Variants in PPP1CB observed in about 807,000 individuals in gnomAD.
PPP1CB encodes the protein protein phosphatase 1 catalytic subunit beta, also known as serine/threonine-protein phosphatase PP1-beta catalytic subunit.
Under a neutral mutation model 43.7 loss-of-function variants are expected in PPP1CB, and 2 were observed. The observed-to-expected ratio is 0.05, with a 90% CI of 0.02 to 0.14. The LOEUF (loss-of-function observed/expected upper bound fraction) is 0.14, where lower values mean the gene tolerates loss of function less well. Among genes scored for constraint, PPP1CB ranks in the 10% least tolerant of loss-of-function variants. PPP1CB has a pLI of 1.00. For missense variants in PPP1CB, 84 were observed against 398.0 expected, an observed-to-expected ratio of 0.21 and a Z score of 6.71; for synonymous variants, 136 against 135.6, an observed-to-expected ratio of 1.00 and a Z score of -0.02.
chr2:28,764,740 C>T (rs1052196547), intron 1 of PPP1CB, among the ~76,000 whole-genome samples: 6 of 150,386 alleles, frequency 4.0e-5, no homozygotes, highest in Non-Finnish European at 8.9e-5. Context: ...GGGCACATGG[C>T]GAAACCCCGT....
In PPP1CB at chr2:28,787,230, C is replaced by T. The variant is rs549395418; in HGVS notation, c.593-1428C>T. Among the ~76,000 whole-genome samples the T allele has an allele frequency of 4.6e-5, 7 of 152,244 alleles. No individual in the cohort carries two copies. In the South Asian group the frequency reaches 6.2e-4, roughly 14 times the overall value. ...ATCCCAGCACTCTGGGAGGCCGAAG[C>T]GGGCGGATCACGAGGTTAGGAGATC... On this transcript the variant is annotated intron_variant, in intron 5 of 7. Coordinates refer to ENST00000395366, the MANE Select transcript of PPP1CB (RefSeq NM_002709.3).
intron 2 of PPP1CB, chr2:28,778,507 T>TCCAAATGAG: frequency 2.0e-6 from 1 of 494,678 alleles, no homozygotes; most frequent in Non-Finnish European, 4.1e-6. Flanking sequence ...CCAAATGAGC[T>TCCAAATGAG]GTTGGTCAGA....
chr2:28,775,471 C>T (rs1667017713), intron 1 of PPP1CB, among the ~76,000 whole-genome samples: 1 of 152,016 alleles, frequency 6.6e-6, no homozygotes, highest in African/African-American at 2.4e-5. Context: ...GCCCTAGTGC[C>T]ATCATAGCTC....
intron 7 of PPP1CB, among the ~76,000 whole-genome samples, chr2:28,794,886 T>C (rs1667467046): frequency 1.3e-5 from 2 of 152,162 alleles, no homozygotes; most frequent in African/African-American, 4.8e-5. Context: ...AGGGGTTACA[T>C]GTGCAGGTTT....
intron 1 of PPP1CB, among the ~76,000 whole-genome samples, chr2:28,766,849 A>G (rs912570022): frequency 6.6e-6 from 1 of 152,218 alleles, no homozygotes; most frequent in Admixed American, 6.5e-5. Flanking sequence ...TGGGAGGCCA[A>G]GGCAGGCAGA....
intron 7 of PPP1CB, among the ~76,000 whole-genome samples, chr2:28,796,567 T>C (rs762375843): frequency 1.4e-4 from 22 of 152,204 alleles, no homozygotes; most frequent in Non-Finnish European, 2.2e-4. Flanking sequence ...TTGATTTGGC[T>C]CTCAGCTTGG....
rs188104354 is a variant in PPP1CB at position 28,794,669 on chromosome 2, C to T, written c.879+672C>T. Among the ~76,000 whole-genome samples the T allele has an allele frequency of 1.6e-3, 242 of 151,710 alleles. 2 individuals carry two copies. The highest frequency in any genetic ancestry group is 2.7e-3 in the Non-Finnish European group (181 of 67,946). On this transcript the variant is annotated intron_variant, in intron 7 of 7. Coordinates refer to ENST00000395366, the MANE Select transcript of PPP1CB (RefSeq NM_002709.3). ...TTGCACCACTGCACGCTAGCCTGGG[C>T]GACAGAGCGAGACTTGGCCCCCAAA...
chr2:28,751,961 C>T lies in PPP1CB; in HGVS notation c.-164C>T, dbSNP rs1455784220. 7 of 632,314 alleles carry T rather than the reference C, an allele frequency of 1.1e-5. No individual in the cohort carries two copies. Among genetic ancestry groups the T allele is most frequent in the African/African-American group, 3.0e-5 (1 of 33,428 alleles). The allele number at this position is 632,314 out of a possible 1,614,324, so 39.2% of individuals were successfully genotyped here. ...CGAGTGTGCGCGCGCTCTCGCTACCCGGCGGGGAGGGGGTGGGGGGAGGGC... is the reference window on the plus strand; with the variant it reads ...CGAGTGTGCGCGCGCTCTCGCTACCTGGCGGGGAGGGGGTGGGGGGAGGGC... On this transcript the variant is annotated 5_prime_UTR_variant, in exon 1 of 8. Coordinates refer to ENST00000395366, the MANE Select transcript of PPP1CB (RefSeq NM_002709.3).
chr2:28,756,192 A>G (rs909399513), intron 1 of PPP1CB, among the ~76,000 whole-genome samples: 6 of 152,242 alleles, frequency 3.9e-5, no homozygotes, highest in African/African-American at 1.4e-4. Context: ...AGTTTTTCTT[A>G]AAGTATTTTT....
chr2:28,794,801 T>C (rs1444076811), intron 7 of PPP1CB, among the ~76,000 whole-genome samples: 1 of 152,198 alleles, frequency 6.6e-6, no homozygotes, highest in Non-Finnish European at 1.5e-5. Flanking sequence ...GGAAGCACAT[T>C]GTATACCATG....
Position 28,779,008 on chromosome 2 carries a change from C to T in PPP1CB, c.384C>T (p.Ser128=), listed in dbSNP as rs765860203. The T allele has an allele frequency of 6.2e-7, 1 of 1,600,170 alleles. No homozygotes were observed. The highest frequency in any genetic ancestry group is 8.6e-7 in the Non-Finnish European group (1 of 1,168,116). Residue 128 remains serine, a synonymous_variant, in exon 3 of 8, where the codon AGC becomes AGT. Transcript: ENST00000395366. ...FLLRGNHECA[S]INRIYGFYDE... is the part of the protein sequence containing the mutation. The stretch of plus-strand genomic sequence containing the variant: ...TAAGAGGAAACCATGAGTGTGCTAG[C>T]ATCAATCGCATTTATGGATTCTATG...
At position 28,799,475 on chromosome 2, in the gene PPP1CB, C is replaced by T; in HGVS notation, c.*172C>T. On this transcript the variant is annotated 3_prime_UTR_variant, in exon 8 of 8. Transcript: ENST00000395366. Reference sequence around the variant, plus strand: ...TTTTTTCTAATAGAAAGATGTGCTACACTGTATTGTAATAAGTATACTCTG... The same window carrying T: ...TTTTTTCTAATAGAAAGATGTGCTATACTGTATTGTAATAAGTATACTCTG... 1.9e-6 allele frequency: 1 copy of T among 532,414 alleles called. No individual in the cohort carries two copies. Among genetic ancestry groups the T allele is most frequent in the Non-Finnish European group, 3.4e-6 (1 of 298,100 alleles). 33.0% of individuals were successfully genotyped at this position (532,414 alleles called of 1,614,324 possible). A position where few individuals can be genotyped will look rare whatever the true frequency, so the allele number is the denominator to read the frequency against.
chr2:28,773,117 A>G (rs1344279627), intron 1 of PPP1CB, among the ~76,000 whole-genome samples: 5 of 152,188 alleles, frequency 3.3e-5, no homozygotes, highest in Non-Finnish European at 7.3e-5. Context: ...GATCTGGATG[A>G]TGGTTACTCA....
At chr2:28,790,916 AT>A (rs1667371589) in intron 6 of PPP1CB, among the ~76,000 whole-genome samples, 1 of 152,192 alleles carries the variant, frequency 6.6e-6, no homozygotes, top group South Asian at 2.1e-4. Flanking sequence ...TTATAAAAAC[AT>A]TTATACAGTT....
At position 28,802,233 on chromosome 2, in the gene PPP1CB, G is replaced by A. The variant is rs1372361730; in HGVS notation, c.*2930G>A. ...AAGATGTATTATTTTAAGCCAAGGA[G>A]CTGAAATATATCTCAGTTTATAAAT... On this transcript the variant is annotated 3_prime_UTR_variant, in exon 8 of 8. Coordinates refer to ENST00000395366, the MANE Select transcript of PPP1CB (RefSeq NM_002709.3). 3.9e-5 allele frequency: 6 copies of A among 152,156 alleles called. No individual in the cohort carries two copies. The highest frequency in any genetic ancestry group is 1.4e-4 in the African/African-American group (6 of 41,434). 9.4% of individuals were successfully genotyped at this position (152,156 alleles called of 1,614,324 possible).
At chr2:28,785,065 C>CTTTTGTTTTTTTTT (rs1667234222) in intron 5 of PPP1CB, among the ~76,000 whole-genome samples, 1 of 55,002 alleles carries the variant, frequency 1.8e-5, no homozygotes, top group Non-Finnish European at 3.5e-5. Flanking sequence ...GTGTTAGGAG[C>CTTTTGTTTTTTTTT]TTTTTTTTTT....
intron 7 of PPP1CB, among the ~76,000 whole-genome samples, chr2:28,794,679 A>G (rs1045500792): frequency 6.6e-6 from 1 of 152,106 alleles, no homozygotes; most frequent in Non-Finnish European, 1.5e-5. Flanking sequence ...CGACAGAGCG[A>G]GACTTGGCCC....
intron 1 of PPP1CB, among the ~76,000 whole-genome samples, chr2:28,775,988 C>T (rs1265879352): frequency 6.6e-6 from 1 of 151,908 alleles, no homozygotes. Flanking sequence ...TAATACATAG[C>T]TGATATCTTT....
At position 28,802,937 on chromosome 2, in the gene PPP1CB, A is replaced by G. The variant is rs1331985254; in HGVS notation, c.*3634A>G. 6.6e-6 allele frequency: 1 copy of G among 152,214 alleles called. No homozygotes were observed. The highest frequency in any genetic ancestry group is 6.5e-5 in the Admixed American group (1 of 15,268). The allele number at this position is 152,214 out of a possible 1,614,324, so 9.4% of individuals were successfully genotyped here. On this transcript the variant is annotated 3_prime_UTR_variant, in exon 8 of 8. Coordinates refer to ENST00000395366, the MANE Select transcript of PPP1CB (RefSeq NM_002709.3). ...TTTATTAAACCTTATTTTTACAAAA[A>G]TGACCATAAATCTTTGCTTCTTTCC...
Sources: allele counts gnomAD v4.1 joint callset (sites outside exome capture counted in the v4.1 genomes callset), GRCh38; gene constraint gnomAD v4.1.1; transcripts MANE v1.5; gene names NCBI Gene and HGNC (gene_info 2026-07-23, HGNC 2026-07-21).